The following DENND4A variants were observed in gnomAD, a reference collection of about 807,000 sequenced individuals.
The protein encoded by DENND4A is C-myc promoter-binding protein.
A neutral mutation model predicts 199.3 loss-of-function variants in DENND4A; 70 were observed. The observed-to-expected ratio is 0.35, with a 90% confidence interval of 0.29 to 0.43. The LOEUF (loss-of-function observed/expected upper bound fraction) is 0.43, where lower values mean the gene tolerates loss of function less well. Among genes scored for constraint, DENND4A ranks in the 20% least tolerant of loss-of-function variants. The probability of loss-of-function intolerance (pLI) is 1.00; values close to 1 mark genes in which losing one functional copy is unlikely to be tolerated. For synonymous variants in DENND4A, 686 were observed against 766.9 expected, an observed-to-expected ratio of 0.89 and a Z score of 1.74; for missense variants, 1,723 against 2,255.8, an observed-to-expected ratio of 0.76 and a Z score of 4.78.
intron 1 of DENND4A, among the ~76,000 whole-genome samples, chr15:65,770,712 A>C (rs1437366607): frequency 6.6e-6 from 1 of 152,192 alleles, no homozygotes; most frequent in East Asian, 1.9e-4. Context: ...ACACCTTGAT[A>C]AGGAAAACGT....
chr15:65,696,963 T>G (rs1281263422), intron 21 of DENND4A: 1 of 306,556 alleles, frequency 3.3e-6, no homozygotes, highest in Non-Finnish European at 6.3e-6. Flanking sequence ...TTGTTAAGTC[T>G]CAAAAAAGAA....
intron 1 of DENND4A, among the ~76,000 whole-genome samples, chr15:65,791,385 G>GC (rs774180931): frequency 3.3e-5 from 5 of 151,572 alleles, no homozygotes; most frequent in East Asian, 1.9e-4. Context: ...TGTTTTTCCT[G>GC]CCCCCCACCT....
intron 1 of DENND4A, among the ~76,000 whole-genome samples, chr15:65,782,765 T>C (rs565738904): frequency 6.6e-6 from 1 of 152,306 alleles, no homozygotes; most frequent in South Asian, 2.1e-4. Context: ...ACAGGTACAT[T>C]TTAAGCTTTC....
chr15:65,660,366 T>A lies in DENND4A; in HGVS notation c.*1485A>T. Reference sequence around the variant, plus strand: ...GGGTTTTCTGCAGCTGAACTGATTCTAAGTCTCAGGACTCCAAGATACCTC... The same window carrying A: ...GGGTTTTCTGCAGCTGAACTGATTCAAAGTCTCAGGACTCCAAGATACCTC... On this transcript the variant is annotated 3_prime_UTR_variant, in exon 33 of 33. Coordinates refer to ENST00000443035, the MANE Select transcript of DENND4A (RefSeq NM_001320835.1). The A allele has an allele frequency of 1.4e-6, 2 of 1,454,928 alleles. No homozygotes were observed. The highest frequency in any genetic ancestry group is 1.9e-6 in the Non-Finnish European group (2 of 1,073,584). 90.1% of individuals were successfully genotyped at this position (1,454,928 alleles called of 1,614,324 possible). A position where few individuals can be genotyped will look rare whatever the true frequency, so the allele number is the denominator to read the frequency against.
intron 21 of DENND4A, chr15:65,696,928 CA>C: frequency 3.2e-6 from 1 of 311,342 alleles, no homozygotes; most frequent in Non-Finnish European, 6.2e-6. Flanking sequence ...TCATAAACTA[CA>C]AAAGGATCAC....
At chr15:65,709,911 G>C (rs561214307) in intron 14 of DENND4A, among the ~76,000 whole-genome samples, 1 of 151,630 alleles carries the variant, frequency 6.6e-6, no homozygotes, top group East Asian at 1.9e-4. Context: ...GTTGGATCTA[G>C]ATTTTGAATA....
Position 65,700,694 on chromosome 15 carries a change from C to G in DENND4A, c.2702-19G>C. The G allele has an allele frequency of 2.0e-6, 3 of 1,517,666 alleles. No individual in the cohort carries two copies. Among genetic ancestry groups the G allele is most frequent in the Non-Finnish European group, 2.6e-6 (3 of 1,134,070 alleles). 94.0% of individuals were successfully genotyped at this position (1,517,666 alleles called of 1,614,324 possible). A position where few individuals can be genotyped will look rare whatever the true frequency, so the allele number is the denominator to read the frequency against. On this transcript the variant is annotated intron_variant, in intron 19 of 32. Transcript: ENST00000443035. The stretch of plus-strand genomic sequence containing the variant: ...CCATCTGCTTAAGAACACAATTTGA[C>G]AGCATTTTACTACTCGAAGAGGTAA...
intron 22 of DENND4A, among the ~76,000 whole-genome samples, chr15:65,694,818 T>C (rs1435202503): frequency 6.6e-6 from 1 of 152,166 alleles, no homozygotes; most frequent in Non-Finnish European, 1.5e-5. Context: ...ACTCTACACT[T>C]TTATAAAATT....
At chr15:65,711,980 A>G (rs1567033885) in intron 14 of DENND4A, among the ~76,000 whole-genome samples, 1 of 152,092 alleles carries the variant, frequency 6.6e-6, no homozygotes, top group Admixed American at 6.5e-5. Flanking sequence ...AAAATTTAAC[A>G]CGTATTTATA....
chr15:65,702,009 T>G (rs1438971803), intron 17 of DENND4A, 119 bp from the exon 18 acceptor site: 24 of 1,406,938 alleles, frequency 1.7e-5, no homozygotes, highest in Non-Finnish European at 2.3e-5. Flanking sequence ...ATGCCTGTAA[T>G]TCCAACATTT....
At chr15:65,662,832 T>C (rs1596373813) in intron 32 of DENND4A, among the ~76,000 whole-genome samples, 1 of 152,174 alleles carries the variant, frequency 6.6e-6, no homozygotes, top group Non-Finnish European at 1.5e-5. Context: ...TGAAGGCTTG[T>C]TGGAGTTGAG....
chr15:65,771,293 G>C (rs2077118202), intron 1 of DENND4A: 13 of 1,587,584 alleles, frequency 8.2e-6, no homozygotes, highest in Non-Finnish European at 1.1e-5. Flanking sequence ...CTGCATATCT[G>C]TTTTTTGTTG....
chr15:65,759,918 T>A (rs995612842), intron 2 of DENND4A, among the ~76,000 whole-genome samples: 5 of 152,246 alleles, frequency 3.3e-5, no homozygotes, highest in African/African-American at 4.8e-5. Context: ...CATTTATTAC[T>A]TCTACTTATT....
Position 65,701,141 on chromosome 15 carries a change from A to C in DENND4A, c.2611T>G (p.Trp871Gly). 1 of 1,610,212 alleles carries C rather than the reference A, an allele frequency of 6.2e-7. No individual in the cohort carries two copies. The highest frequency in any genetic ancestry group is 8.5e-7 in the Non-Finnish European group (1 of 1,178,532). Residue 871 changes from tryptophan (W) to glycine (G), a missense_variant, in exon 19 of 33, where the codon TGG becomes GGG. Trp to Gly is a radical substitution (Grantham distance 184, BLOSUM62 -2). Around this residue, in one of 6 missense-constraint regions of DENND4A, gnomAD observed 36 missense variants for 85.7 expected, o/e 0.42. Transcript: ENST00000443035. The stretch of plus-strand genomic sequence containing the variant: ...AAAACAACATTTCTTACTTTTGTCC[A>C]AAGAAAATAGCCACTACGACTTCTT... ...PSRSRSGYFL[W>G]TKVRNVVLGV...
Position 65,668,208 on chromosome 15 carries a change from CTCTT to C in DENND4A, c.4788-89_4788-86del, listed in dbSNP as rs1164538815. The C allele has an allele frequency of 1.4e-4, 136 of 958,646 alleles. No individual in the cohort carries two copies. The East Asian group carries it at 2.4e-3, about 17-fold the overall frequency. The allele number at this position is 958,646 out of a possible 1,614,324, so 59.4% of individuals were successfully genotyped here. ...CAAGGATCATGTTCTCTCTCTCTCT[CTCTT>C]TTTTTTTTTTTTTTAAGACAGAGTC... On this transcript the variant is annotated intron_variant, in intron 27 of 32. Transcript: ENST00000443035.
At chr15:65,720,876 T>C (rs1009746112) in intron 12 of DENND4A, among the ~76,000 whole-genome samples, 2 of 148,534 alleles carry the variant, frequency 1.3e-5, no homozygotes, top group African/African-American at 4.9e-5. Flanking sequence ...TTATCAGTAT[T>C]ATTTAAATGT....
At chr15:65,764,630 C>CA (rs984643644) in intron 1 of DENND4A, among the ~76,000 whole-genome samples, 1 of 150,580 alleles carries the variant, frequency 6.6e-6, no homozygotes, top group Admixed American at 6.6e-5. Flanking sequence ...GACTCTGTCT[C>CA]AAAAAAACCC....
At chr15:65,740,437 C>T (rs892625145) in intron 5 of DENND4A, among the ~76,000 whole-genome samples, 1 of 149,084 alleles carries the variant, frequency 6.7e-6, no homozygotes, top group Admixed American at 6.7e-5. Flanking sequence ...CAGCAAGACT[C>T]CATCTCTACT....
rs563352710 is a variant in DENND4A at position 65,690,409 on chromosome 15, A to G, written c.4179+6T>C. ...AGTAAAAGTAGCAAATACTAACCAA[A>G]CTTACCTTAGATGATGTGGTGTACA... is the stretch of plus-strand genomic sequence containing the variant. On this transcript the variant is annotated splice_donor_region_variant and intron_variant, in intron 23 of 32. Coordinates refer to ENST00000443035, the MANE Select transcript of DENND4A (RefSeq NM_001320835.1). The G allele has an allele frequency of 6.5e-7, 1 of 1,550,104 alleles. No individual in the cohort carries two copies. The highest frequency in any genetic ancestry group is 2.3e-5 in the East Asian group (1 of 44,348).
Sources: allele counts gnomAD v4.1 joint callset (sites outside exome capture counted in the v4.1 genomes callset), GRCh38; gene constraint gnomAD v4.1.1; regional missense constraint gnomAD v4.1.1; transcripts MANE v1.5; gene names NCBI Gene and HGNC (gene_info 2026-07-23, HGNC 2026-07-21).